Variants in ARVCF observed in about 807,000 individuals in gnomAD.
The protein encoded by ARVCF is ARVCF delta catenin family member.
In ARVCF, 66 loss-of-function variants were observed where a neutral mutation model predicts 90.9. The ratio of observed to expected loss-of-function variants is 0.73; its 90% CI spans 0.60 to 0.89. The LOEUF (loss-of-function observed/expected upper bound fraction) is 0.89. Among genes scored for constraint, ARVCF ranks in the 40% least tolerant of loss-of-function variants. The pLI, the probability that ARVCF is intolerant of heterozygous loss-of-function variation, is 0.00. For synonymous variants in ARVCF, 653 were observed against 603.4 expected (o/e 1.08, Z -1.21); for missense variants, 1,469 against 1,382.3 (o/e 1.06, Z -1.00).
At chr22:19,970,879 T>C in intron 19 of ARVCF, 136 bp from the exon 20 acceptor site, 1 of 1,164,330 alleles carries the variant, frequency 8.6e-7, no homozygotes, top group South Asian at 1.4e-5. Context: ...CTGGGTGGTG[T>C]GGGCTGACCC....
At chr22:20,000,616 A>C (rs999481933) in intron 2 of ARVCF, among the ~76,000 whole-genome samples, 1 of 152,230 alleles carries the variant, frequency 6.6e-6, no homozygotes, top group Admixed American at 6.5e-5. Flanking sequence ...ACCTACTGGC[A>C]CATGTGTGCA....
At position 19,992,272 on chromosome 22, in the gene ARVCF, G is replaced by A. The variant is rs142127127; in HGVS notation, c.-18-1460C>T. Reference sequence around the variant, plus strand: ...AATGAAACTGTCAACACAACCTTTCGGGGAAGCCAGCATGAGTGGAGGAGC... The same window carrying A: ...AATGAAACTGTCAACACAACCTTTCAGGGAAGCCAGCATGAGTGGAGGAGC... On this transcript the variant is annotated intron_variant, in intron 2 of 19. Coordinates refer to ENST00000263207, the MANE Select transcript of ARVCF (RefSeq NM_001670.3). Among the ~76,000 whole-genome samples the A allele has an allele frequency of 2.0e-3, 312 of 152,296 alleles. 2 individuals are homozygous for A. Among genetic ancestry groups the A allele is most frequent in the African/African-American group, 6.8e-3 (281 of 41,562 alleles).
intron 2 of ARVCF, among the ~76,000 whole-genome samples, chr22:19,991,887 T>A (rs1197544465): frequency 6.6e-6 from 1 of 152,196 alleles, no homozygotes; most frequent in African/African-American, 2.4e-5. Flanking sequence ...TGCTCAGGCA[T>A]CCTCCTGCCC....
downstream of ARVCF, chr22:19,968,787 G>A: frequency 1.9e-6 from 3 of 1,544,200 alleles, no homozygotes; most frequent in Admixed American, 1.7e-5. Context: ...TGGTACTGAA[G>A]GTGCCAGACG....
chr22:19,979,330 T>C (rs1322320531), intron 6 of ARVCF: 3 of 545,724 alleles, frequency 5.5e-6, no homozygotes, highest in Non-Finnish European at 9.7e-6. Context: ...TTCCCTGCCA[T>C]GTGGCAGGTG....
intron 13 of ARVCF, 76 bp from the exon 14 acceptor site, chr22:19,973,393 G>A: frequency 6.8e-7 from 1 of 1,481,104 alleles, no homozygotes; most frequent in Non-Finnish European, 9.0e-7. Flanking sequence ...CCGCGAGGGC[G>A]AGGGGCACTG....
intron 2 of ARVCF, among the ~76,000 whole-genome samples, chr22:19,993,861 G>A (rs553335459): frequency 1.3e-5 from 2 of 152,188 alleles, no homozygotes; most frequent in South Asian, 4.1e-4. Context: ...CAAAACAAAA[G>A]TGACGACCCA....
At position 19,977,461 on chromosome 22, in the gene ARVCF, G is replaced by A; in HGVS notation, c.1824C>T (p.Arg608=). 1 of 1,567,452 alleles carries A rather than the reference G, an allele frequency of 6.4e-7. No individual in the cohort carries two copies. Among genetic ancestry groups the A allele is most frequent in the Non-Finnish European group, 8.6e-7 (1 of 1,157,558 alleles). ...GPLGSAVGSQ[R]RRRDDASCFG... ...AGCAGCTGGCATCATCCCGCCTCCG[G>A]CGCTGGGAGCCTACAGCACTGCCCA... Residue 608 remains arginine, a synonymous_variant, in exon 9 of 20, where the codon CGC becomes CGT. Coordinates refer to ENST00000263207, the MANE Select transcript of ARVCF (RefSeq NM_001670.3).
intron 1 of ARVCF, among the ~76,000 whole-genome samples, chr22:20,011,248 T>A (rs1404226402): frequency 6.6e-6 from 1 of 152,088 alleles, no homozygotes; most frequent in African/African-American, 2.4e-5. Flanking sequence ...GGGGACACAT[T>A]CCCTCTCCTT....
Position 19,978,895 on chromosome 22 carries a change from A to G in ARVCF, c.1580+2T>C. 1 of 1,608,234 alleles carries G rather than the reference A, an allele frequency of 6.2e-7. No individual in the cohort carries two copies. The highest frequency in any genetic ancestry group is 1.3e-5 in the African/African-American group (1 of 74,948). On this transcript the variant is annotated splice_donor_variant, in intron 7 of 19. Transcript: ENST00000263207. LOFTEE classifies it high-confidence loss of function. ...GGCTTTAGCACCAGGTCTGGTCCAC[A>G]CCTCAGGCAGCCCGACGTGTTCTTG... is the stretch of plus-strand genomic sequence containing the variant.
rs116398106 is a variant in ARVCF at position 19,981,410 on chromosome 22, G to A, written c.697C>T (p.Arg233Trp). ...GDGCFTLPGH[R>W]EAFPVGPEPG... is the part of the protein sequence containing the mutation. ...TCAGGACCCACCGGGAAGGCTTCCC[G>A]GTGGCCAGGCAGTGTGAAGCAGCCA... The change falls in exon 5 of 20, where the codon CGG (arginine) becomes TGG (tryptophan). Residue 233 changes from arginine to tryptophan, a missense_variant. By Grantham distance (101) the Arg-to-Trp change is moderately radical. Coordinates refer to ENST00000263207, the MANE Select transcript of ARVCF (RefSeq NM_001670.3). 2.7e-4 allele frequency: 421 copies of A among 1,580,904 alleles called. 2 individuals carry two copies. In the African/African-American group the frequency reaches 4.9e-3, roughly 18 times the overall value.
Position 19,971,210 on chromosome 22 carries a change from A to ACTTC in ARVCF, c.*12+5_*12+6insGAAG. 6.4e-7 allele frequency: 1 copy of ACTTC among 1,552,024 alleles called. No individual in the cohort carries two copies. Among genetic ancestry groups the ACTTC allele is most frequent in the African/African-American group, 1.4e-5 (1 of 73,222 alleles). ...GGTGGACGAACAACCAGATGAGAGA[A>ACTTC]CGTACCAGGCATGCAAGCTAGACCC... On this transcript the variant is annotated splice_donor_region_variant and intron_variant, in intron 19 of 19. Transcript: ENST00000263207.
chr22:19,979,288 G>C (rs1383878782), intron 6 of ARVCF: 6 of 615,712 alleles, frequency 9.7e-6, no homozygotes, highest in Non-Finnish European at 1.7e-5. Context: ...AGGTGCAGAG[G>C]AGGGTGTGGC....
downstream of ARVCF, chr22:19,967,298 G>T: frequency 9.4e-7 from 1 of 1,068,154 alleles, no homozygotes; most frequent in Non-Finnish European, 1.3e-6. Flanking sequence ...CCCTGGCCCA[G>T]ACTGGAAGGC....
chr22:19,976,226 GA>G (rs1272545184), intron 10 of ARVCF, among the ~76,000 whole-genome samples: 1 of 152,176 alleles, frequency 6.6e-6, no homozygotes, highest in Non-Finnish European at 1.5e-5. Flanking sequence ...CTAGCCAGGA[GA>G]AACCCCACAG....
intron 2 of ARVCF, among the ~76,000 whole-genome samples, chr22:20,010,105 G>A (rs1178194907): frequency 1.3e-5 from 2 of 152,160 alleles, no homozygotes; most frequent in Non-Finnish European, 2.9e-5. Context: ...ATGCCACTGC[G>A]GCTGGCATCC....
At chr22:19,967,292 G>A (rs1441680883), downstream of ARVCF, 11 of 1,111,084 alleles carry the variant, frequency 9.9e-6, no homozygotes, top group Non-Finnish European at 1.2e-5. Context: ...TGCATTCCCT[G>A]GCCCAGACTG....
Position 19,981,514 on chromosome 22 carries a change from C to T in ARVCF, c.593G>A (p.Ser198Asn). The part of the protein sequence containing the change: ...GFPEGPEPRD[S>N]PSYGSLSRGL... Reference sequence around the variant, plus strand: ...TCGGGACAGGCTGCCATAGCTGGGGCTGTCCCGGGGCTCGGGGCCTTCGGG... The same window carrying T: ...TCGGGACAGGCTGCCATAGCTGGGGTTGTCCCGGGGCTCGGGGCCTTCGGG... The change falls in exon 5 of 20, where the codon AGC (serine) becomes AAC (asparagine). Residue 198 changes from serine to asparagine, a missense_variant. Ser to Asn is a conservative substitution (Grantham distance 46). Coordinates refer to ENST00000263207, the MANE Select transcript of ARVCF (RefSeq NM_001670.3). 6.4e-7 allele frequency: 1 copy of T among 1,567,732 alleles called. No individual in the cohort carries two copies. The highest frequency in any genetic ancestry group is 2.3e-5 in the East Asian group (1 of 44,158).
rs1411841272 is a variant in ARVCF, at chr22:19,980,039, A to G, written c.1100T>C (p.Leu367Pro). Reference sequence around the variant, plus strand: ...CTTCACGGGGTCCACGGGGTGCCGCAGCATGGCCAGCACCTCAGGCAGCTC... The same window carrying G: ...CTTCACGGGGTCCACGGGGTGCCGCGGCATGGCCAGCACCTCAGGCAGCTC... ...DPELPEVLAM[L>P]RHPVDPVKAN... is the part of the protein sequence containing the mutation. Residue 367 changes from leucine to proline, a missense_variant, in exon 6 of 20, where the codon CTG becomes CCG. By Grantham distance (98) the Leu-to-Pro change is moderately conservative. Transcript: ENST00000263207. 1 of 1,586,170 alleles carries G rather than the reference A, an allele frequency of 6.3e-7. No individual in the cohort carries two copies.
Sources: gnomAD v4.1 joint callset for allele counts (sites outside exome capture counted in the v4.1 genomes callset) on GRCh38, gnomAD v4.1.1 for gene constraint, MANE v1.5 for transcripts, NCBI Gene and HGNC (gene_info 2026-07-23, HGNC 2026-07-21) for gene names.